The following PTPRN2 variants were observed in gnomAD, a reference collection of about 807,000 sequenced individuals.
The protein encoded by PTPRN2 is protein tyrosine phosphatase receptor type N2.
PTPRN2 carries 74 observed loss-of-function variants against 118.8 expected under a neutral mutation model. That is an observed-to-expected ratio of 0.62 (90% CI 0.52 to 0.76). The LOEUF is 0.76. Among genes scored for constraint, PTPRN2 ranks in the 30% least tolerant of loss-of-function variants. The pLI, the probability that PTPRN2 is intolerant of heterozygous loss-of-function variation, is 0.00. For synonymous variants in PTPRN2, 641 were observed against 608.0 expected, an observed-to-expected ratio of 1.05 and a Z score of -0.80; for missense variants, 1,481 against 1,394.4, an observed-to-expected ratio of 1.06 and a Z score of -0.99.
At chr7:158,558,036 G>A (rs530337032) in intron 1 of PTPRN2, among the ~76,000 whole-genome samples, 12 of 152,310 alleles carry the variant, frequency 7.9e-5, no homozygotes, top group Admixed American at 6.5e-4. Context: ...CCAGGCTGGA[G>A]TGCAGTGGTA....
At chr7:158,011,448 A>G (rs962834141) in intron 11 of PTPRN2, among the ~76,000 whole-genome samples, 6 of 152,232 alleles carry the variant, frequency 3.9e-5, no homozygotes, top group African/African-American at 1.4e-4. Context: ...TGAAGCATCC[A>G]TTCAACCAGA....
At chr7:158,334,724 C>CAT (rs1243818375) in intron 2 of PTPRN2, among the ~76,000 whole-genome samples, 6 of 43,196 alleles carry the variant, frequency 1.4e-4, no homozygotes, top group Non-Finnish European at 3.4e-4. Context: ...AGACGTCACA[C>CAT]CCACACTCTC....
intron 2 of PTPRN2, among the ~76,000 whole-genome samples, chr7:158,445,916 A>G (rs1333469613): frequency 6.6e-6 from 1 of 152,122 alleles, no homozygotes; most frequent in Non-Finnish European, 1.5e-5. Context: ...GAGAAGGTAA[A>G]CCCCGGCGCC....
intron 12 of PTPRN2, among the ~76,000 whole-genome samples, chr7:157,691,367 A>G (rs1797489826): frequency 6.6e-6 from 1 of 152,078 alleles, no homozygotes; most frequent in Non-Finnish European, 1.5e-5. Context: ...ACTCTTGGCA[A>G]GAGAAAATTG....
rs1401632607 is a variant in PTPRN2 at position 157,585,171 on chromosome 7, C to A, written c.2497-7031G>T. 1.3e-5 allele frequency among the ~76,000 whole-genome samples: 2 copies of A among 152,206 alleles called. No homozygotes were observed. The highest frequency in any genetic ancestry group is 4.8e-5 in the African/African-American group (2 of 41,466). ...ATGAGGGGGCAGCGGGAGGAACCCC[C>A]CTGTGCCGCTATCAGATCGACGCCT... On this transcript the variant is annotated intron_variant, in intron 17 of 22. Transcript: ENST00000389418. The surrounding 1 kb of genome is among the most constrained non-coding windows in gnomAD (Gnocchi z 5.2).
chr7:158,487,909 T>C (rs909919473), intron 2 of PTPRN2, among the ~76,000 whole-genome samples: 2 of 152,114 alleles, frequency 1.3e-5, no homozygotes, highest in African/African-American at 4.8e-5. Flanking sequence ...AATCAAGGCC[T>C]GAATATGTGT....
chr7:158,338,051 A>T (rs1189987419), intron 2 of PTPRN2, among the ~76,000 whole-genome samples: 6 of 14,278 alleles, frequency 4.2e-4, no homozygotes, highest in Non-Finnish European at 8.7e-4. Flanking sequence ...TCACCATAAG[A>T]GGTGACACCT....
At position 158,417,976 on chromosome 7, in the gene PTPRN2, T is replaced by C. The variant is rs536350383; in HGVS notation, c.163+71759A>G. 6.5e-3 allele frequency among the ~76,000 whole-genome samples: 978 copies of C among 151,278 alleles called. 1 individual carries two copies. The highest frequency in any genetic ancestry group is 0.01 in the Non-Finnish European group (709 of 67,692). On this transcript the variant is annotated intron_variant, in intron 2 of 22. Transcript: ENST00000389418. ...TACATCGAGATGCTCTAGCTCTCAG[T>C]GTCCCACTGTGTTAAGTCACGGTGT...
At chr7:157,904,913 G>A (rs1042131568) in intron 11 of PTPRN2, among the ~76,000 whole-genome samples, 6 of 152,130 alleles carry the variant, frequency 3.9e-5, no homozygotes, top group Non-Finnish European at 4.4e-5. Context: ...TGCCTAAAAG[G>A]AAAAACAATG....
Position 158,304,329 on chromosome 7 carries a change from G to A in PTPRN2, c.277+12490C>T, listed in dbSNP as rs139293978. 3.3e-4 allele frequency among the ~76,000 whole-genome samples: 48 copies of A among 145,834 alleles called. No homozygotes were observed. The South Asian group carries it at 7.4e-3, about 23-fold the overall frequency. On this transcript the variant is annotated intron_variant, in intron 3 of 22. Coordinates refer to ENST00000389418, the MANE Select transcript of PTPRN2 (RefSeq NM_002847.5). Reference sequence around the variant, plus strand: ...CATGCTAGGGAGGCATCAGACACCCGTCAATATGCTAAGATGTACACAGGC... The same window carrying A: ...CATGCTAGGGAGGCATCAGACACCCATCAATATGCTAAGATGTACACAGGC...
At chr7:157,771,021 C>G (rs551750009) in intron 12 of PTPRN2, among the ~76,000 whole-genome samples, 1 of 152,246 alleles carries the variant, frequency 6.6e-6, no homozygotes, top group Non-Finnish European at 1.5e-5. Context: ...GGCTCAGACT[C>G]GAGAGACTGG....
chr7:157,881,064 G>A lies in PTPRN2; in HGVS notation c.1788+17609C>T, dbSNP rs1011783845. On this transcript the variant is annotated intron_variant, in intron 12 of 22. Coordinates refer to ENST00000389418, the MANE Select transcript of PTPRN2 (RefSeq NM_002847.5). The surrounding 1 kb of genome is among the most constrained non-coding windows in gnomAD (Gnocchi z 4.7). ...TGGAGTTGTCTATAGGAGTCATTAC[G>A]GTAAAATGAGGTCATGAGGATATGT... Among the ~76,000 whole-genome samples, 6 of 152,120 alleles carry A rather than the reference G, an allele frequency of 3.9e-5. No homozygotes were observed. The highest frequency in any genetic ancestry group is 5.9e-5 in the Non-Finnish European group (4 of 68,026).
intron 3 of PTPRN2, among the ~76,000 whole-genome samples, chr7:158,206,903 AC>A (rs1386624801): frequency 6.8e-6 from 1 of 147,960 alleles, no homozygotes; most frequent in Admixed American, 6.7e-5. Context: ...GGTGTGCTGC[AC>A]CCACTAACTC....
intron 21 of PTPRN2, among the ~76,000 whole-genome samples, chr7:157,565,112 C>T (rs904018448): frequency 2.4e-4 from 36 of 152,188 alleles, no homozygotes; most frequent in Admixed American, 1.8e-3. Flanking sequence ...TTCAGATTCG[C>T]GGAAACAAAG....
chr7:157,713,079 G>A (rs981918979), intron 12 of PTPRN2, among the ~76,000 whole-genome samples: 2 of 152,218 alleles, frequency 1.3e-5, no homozygotes, highest in Admixed American at 6.5e-5. Flanking sequence ...TGAGCCATGC[G>A]CATCCCCTGC....
In PTPRN2 at chr7:158,269,053, C is replaced by T. The variant is rs193069797; in HGVS notation, c.277+47766G>A. On this transcript the variant is annotated intron_variant, in intron 3 of 22. Coordinates refer to ENST00000389418, the MANE Select transcript of PTPRN2 (RefSeq NM_002847.5). Reference sequence around the variant, plus strand: ...GCTTTGTTTTCTAGGAAGGACGTGGCGGCTGCTGCCCAACTTTGAACGGAG... The same window carrying T: ...GCTTTGTTTTCTAGGAAGGACGTGGTGGCTGCTGCCCAACTTTGAACGGAG... Among the ~76,000 whole-genome samples, 983 of 152,332 alleles carry T rather than the reference C, an allele frequency of 6.5e-3. 9 individuals are homozygous for T. Among genetic ancestry groups the T allele is most frequent in the African/African-American group, 8.1e-3 (336 of 41,572 alleles).
intron 21 of PTPRN2, among the ~76,000 whole-genome samples, chr7:157,551,202 T>G (rs1458343539): frequency 6.6e-6 from 1 of 152,120 alleles, no homozygotes; most frequent in Non-Finnish European, 1.5e-5. Context: ...GCACAAACAT[T>G]CGTGCTTGAG....
rs552871623 is a variant in PTPRN2 at position 158,587,603 on chromosome 7, C to A, written c.67G>T (p.Ala23Ser). ...LLLPPRVLPA[A>S]PSSVPRGRQL... ...CGGCCGCGGGGGACGGACGAAGGGG[C>A]GGCAGGCAGGACGCGTGGCGGCAGC... is the stretch of plus-strand genomic sequence containing the variant. Residue 23 changes from alanine (A) to serine (S), a missense_variant, in exon 1 of 23, where the codon GCC becomes TCC. Physicochemically the swap from Ala to Ser is moderately conservative, Grantham distance 99 (BLOSUM62 1). This residue lies in a region of PTPRN2 where 1,115 missense variants were observed against 994.2 expected (regional missense o/e 1.12). Transcript: ENST00000389418. 4.2e-4 allele frequency: 573 copies of A among 1,351,788 alleles called. 14 individuals carry two copies. In the South Asian group the frequency reaches 9.8e-3, roughly 23 times the overall value. 83.7% of individuals were successfully genotyped at this position (1,351,788 alleles called of 1,614,324 possible).
intron 5 of PTPRN2, 148 bp from the exon 6 acceptor site, chr7:158,167,439 A>G (rs1355556224): frequency 9.9e-7 from 1 of 1,007,984 alleles, no homozygotes; most frequent in African/African-American, 1.6e-5. Context: ...AAGGTCCTAA[A>G]CAGCCCTGGA....
Sources: allele counts gnomAD v4.1 joint callset (sites outside exome capture counted in the v4.1 genomes callset), GRCh38; gene constraint gnomAD v4.1.1; regional missense constraint gnomAD v4.1.1; non-coding constraint Gnocchi (gnomAD v3.1); transcripts MANE v1.5; gene names NCBI Gene and HGNC (gene_info 2026-07-23, HGNC 2026-07-21).